The following XPO4 variants were observed in gnomAD, a reference collection of about 807,000 sequenced individuals.
XPO4 encodes exportin 4.
In XPO4, 39 loss-of-function variants were observed where a neutral mutation model predicts 143.0. That is an observed-to-expected ratio of 0.27 (90% CI 0.21 to 0.36). The LOEUF (loss-of-function observed/expected upper bound fraction) is 0.36, where lower values mean the gene tolerates loss of function less well. Among genes scored for constraint, XPO4 ranks in the 10% least tolerant of loss-of-function variants. The pLI is 1.00. For synonymous variants in XPO4, 439 were observed against 474.0 expected (o/e 0.93, Z 0.96); for missense variants, 907 against 1,348.0 (o/e 0.67, Z 5.12).
intron 1 of XPO4, among the ~76,000 whole-genome samples, chr13:20,888,071 A>G (rs2060476942): frequency 6.8e-6 from 1 of 147,180 alleles, no homozygotes; most frequent in South Asian, 2.3e-4. Flanking sequence ...GCTACTCGGG[A>G]GGCTGAGGCA....
intron 9 of XPO4, among the ~76,000 whole-genome samples, chr13:20,819,656 T>C (rs965111280): frequency 1.3e-5 from 2 of 150,364 alleles, no homozygotes; most frequent in African/African-American, 4.9e-5. Context: ...CGAGACTCCA[T>C]CTCAAAAAAA....
At chr13:20,808,213 C>T (rs1226776785) in intron 12 of XPO4, among the ~76,000 whole-genome samples, 2 of 152,012 alleles carry the variant, frequency 1.3e-5, no homozygotes, top group African/African-American at 2.4e-5. Flanking sequence ...ACTAATTCAG[C>T]GGGTAGAATG....
At chr13:20,879,861 A>G (rs991421327) in intron 1 of XPO4, among the ~76,000 whole-genome samples, 11 of 152,310 alleles carry the variant, frequency 7.2e-5, no homozygotes, top group African/African-American at 2.4e-4. Context: ...GAACTCCTAC[A>G]ACTCAATGAC....
chr13:20,793,876 AATT>A (rs2059319112), intron 18 of XPO4, among the ~76,000 whole-genome samples: 1 of 152,224 alleles, frequency 6.6e-6, no homozygotes, highest in Admixed American at 6.5e-5. Context: ...GTCGTACAGA[AATT>A]ATGTTACTCA....
intron 2 of XPO4, chr13:20,868,310 A>G (rs2060262368): frequency 4.6e-6 from 1 of 219,264 alleles, no homozygotes; most frequent in Non-Finnish European, 8.7e-6. Flanking sequence ...CTGAAAAAAT[A>G]CTAAATTTTT....
At chr13:20,800,760 GAA>G in intron 14 of XPO4, 69 bp downstream of exon 14, 1 of 1,555,424 alleles carries the variant, frequency 6.4e-7, no homozygotes, top group Non-Finnish European at 8.7e-7. Context: ...AAACCACCAA[GAA>G]AAATGTTCCT....
intron 4 of XPO4, chr13:20,851,574 T>A (rs1253991190): frequency 8.0e-6 from 4 of 497,724 alleles, no homozygotes; most frequent in Non-Finnish European, 1.0e-5. Flanking sequence ...CTCAGTGTGG[T>A]GGCATGCACC....
chr13:20,872,135 G>A (rs2060304837), intron 1 of XPO4, among the ~76,000 whole-genome samples: 1 of 152,134 alleles, frequency 6.6e-6, no homozygotes, highest in Non-Finnish European at 1.5e-5. Context: ...CAGGCTGGGA[G>A]TCAAAACCAA....
chr13:20,818,451 C>A (rs937006521), intron 9 of XPO4, among the ~76,000 whole-genome samples: 6 of 152,280 alleles, frequency 3.9e-5, no homozygotes, highest in African/African-American at 4.8e-5. Context: ...AACGTTACCA[C>A]CATCAAAGAC....
intron 2 of XPO4, 68 bp from the exon 3 acceptor site, chr13:20,862,926 A>C (rs1157785380): frequency 1.3e-6 from 2 of 1,591,632 alleles, no homozygotes; most frequent in Non-Finnish European, 8.5e-7. Flanking sequence ...TGCATTTATT[A>C]ATTTTAAAAC....
At chr13:20,787,932 G>A (rs1369077185) in intron 20 of XPO4, among the ~76,000 whole-genome samples, 1 of 152,172 alleles carries the variant, frequency 6.6e-6, no homozygotes, top group African/African-American at 2.4e-5. Context: ...CCTGATGAAG[G>A]GGTAACTTCT....
chr13:20,808,307 C>T lies in XPO4; in HGVS notation c.1639+129G>A, dbSNP rs149627675. ...TAAAAATGCATCCATAGTTCTATGA[C>T]AGAAAATGGCTGTATCCAAATTTTA... is the stretch of plus-strand genomic sequence containing the variant. On this transcript the variant is annotated intron_variant, in intron 12 of 22. Coordinates refer to ENST00000255305, the MANE Select transcript of XPO4 (RefSeq NM_022459.5). The T allele has an allele frequency of 1.8e-4, 181 of 987,510 alleles. 1 individual carries two copies. The East Asian group carries it at 4.9e-3, about 27-fold the overall frequency. The allele number at this position is 987,510 out of a possible 1,614,324, so 61.2% of individuals were successfully genotyped here.
rs1050501955 is a variant in XPO4 at position 20,816,180 on chromosome 13, T to C, written c.1173+5524A>G. 5.3e-5 allele frequency among the ~76,000 whole-genome samples: 8 copies of C among 152,288 alleles called. No individual in the cohort carries two copies. In the South Asian group the frequency reaches 8.3e-4, roughly 16 times the overall value. On this transcript the variant is annotated intron_variant, in intron 9 of 22. Coordinates refer to ENST00000255305, the MANE Select transcript of XPO4 (RefSeq NM_022459.5). ...TCTAACAACAAATCACAAATAATAT[T>C]TGTGCTGCACAGTGTAAAACATTAA... is the stretch of plus-strand genomic sequence containing the variant.
At chr13:20,843,136 T>A in intron 5 of XPO4, 88 bp from the exon 6 acceptor site, 1 of 1,292,522 alleles carries the variant, frequency 7.7e-7, no homozygotes, top group Non-Finnish European at 1.0e-6. Context: ...ACAAACACCT[T>A]AAAATTTCCA....
chr13:20,848,781 T>C, intron 4 of XPO4: 1 of 985,274 alleles, frequency 1.0e-6, no homozygotes, highest in Non-Finnish European at 1.2e-6. Context: ...AAATGATGTG[T>C]TCCCTATTTT....
At chr13:20,801,329 A>C (rs1315705568) in intron 13 of XPO4, among the ~76,000 whole-genome samples, 1 of 152,234 alleles carries the variant, frequency 6.6e-6, no homozygotes, top group African/African-American at 2.4e-5. Flanking sequence ...TTAAATCTTC[A>C]GAGTACATGC....
chr13:20,839,314 G>A lies in XPO4; in HGVS notation c.727+3581C>T, dbSNP rs377224019. ...ACATATTATATGATTCCATTTATAC[G>A]CTATGTCTAGAATAGGTAAATGCAT... On this transcript the variant is annotated intron_variant, in intron 6 of 22. Transcript: ENST00000255305. Among the ~76,000 whole-genome samples, 105 of 152,218 alleles carry A rather than the reference G, an allele frequency of 6.9e-4. 1 individual carries two copies. The highest frequency in any genetic ancestry group is 2.7e-3 in the East Asian group (14 of 5,182).
intron 1 of XPO4, among the ~76,000 whole-genome samples, chr13:20,887,282 T>C (rs1382170612): frequency 3.3e-5 from 5 of 152,082 alleles, no homozygotes; most frequent in Non-Finnish European, 7.4e-5. Flanking sequence ...ATCCTACTCA[T>C]GAACACAGAA....
intron 6 of XPO4, among the ~76,000 whole-genome samples, chr13:20,839,003 C>G (rs2059946573): frequency 6.6e-6 from 1 of 152,130 alleles, no homozygotes; most frequent in East Asian, 1.9e-4. Flanking sequence ...GTGGATGACA[C>G]CTGTAATCCC....
Sources: allele counts gnomAD v4.1 joint callset (sites outside exome capture counted in the v4.1 genomes callset), GRCh38; gene constraint gnomAD v4.1.1; transcripts MANE v1.5; gene names NCBI Gene and HGNC (gene_info 2026-07-23, HGNC 2026-07-21).